The following SNTG1 variants were observed in gnomAD, a reference collection of about 807,000 sequenced individuals.
SNTG1 encodes the protein gamma-1-syntrophin.
SNTG1 carries 39 observed loss-of-function variants against 74.7 expected under a neutral mutation model. That is an observed-to-expected ratio of 0.52 (90% CI 0.40 to 0.68). The LOEUF (loss-of-function observed/expected upper bound fraction) is 0.68, where lower values mean the gene tolerates loss of function less well. Among genes scored for constraint, SNTG1 ranks in the 30% least tolerant of loss-of-function variants. SNTG1 has a pLI of 0.00. For synonymous variants in SNTG1, 254 were observed against 217.1 expected, an observed-to-expected ratio of 1.17 and a Z score of -1.49; for missense variants, 685 against 609.5, an observed-to-expected ratio of 1.12 and a Z score of -1.30.
intron 1 of SNTG1, among the ~76,000 whole-genome samples, chr8:49,971,692 A>G (rs1811691186): frequency 6.6e-6 from 1 of 152,194 alleles, no homozygotes; most frequent in African/African-American, 2.4e-5. Context: ...TCAATGTGCA[A>G]AAATCACAAG....
intron 15 of SNTG1, among the ~76,000 whole-genome samples, chr8:50,668,766 A>C (rs1200580932): frequency 6.6e-6 from 1 of 151,890 alleles, no homozygotes; most frequent in African/African-American, 2.4e-5. Context: ...TTTGCTGAGG[A>C]TGATGACTTC....
At chr8:49,928,097 C>A (rs1001489528) in intron 1 of SNTG1, among the ~76,000 whole-genome samples, 2 of 150,874 alleles carry the variant, frequency 1.3e-5, no homozygotes, top group African/African-American at 4.9e-5. Flanking sequence ...CCACTGCACT[C>A]CAGCCTGGGC....
At chr8:49,929,692 G>A (rs542248601) in intron 1 of SNTG1, among the ~76,000 whole-genome samples, 3 of 152,098 alleles carry the variant, frequency 2.0e-5, no homozygotes, top group Non-Finnish European at 4.4e-5. Flanking sequence ...GAGCAACTCA[G>A]CCCTTTGTTT....
intron 8 of SNTG1, among the ~76,000 whole-genome samples, chr8:50,468,128 A>AAGAGAAGGATGTAGTGGGC (rs2093624109): frequency 6.6e-6 from 1 of 152,032 alleles, no homozygotes; most frequent in Non-Finnish European, 1.5e-5. Context: ...TAAATGGTAT[A>AAGAGAAGGATGTAGTGGGC]TTCTATAAAA....
At chr8:50,186,220 T>C (rs1247313051) in intron 2 of SNTG1, among the ~76,000 whole-genome samples, 1 of 152,176 alleles carries the variant, frequency 6.6e-6, no homozygotes, top group African/African-American at 2.4e-5. Context: ...ATGGTGTATA[T>C]GTGCCACATT....
intron 15 of SNTG1, among the ~76,000 whole-genome samples, chr8:50,704,147 A>G (rs905474173): frequency 6.6e-6 from 1 of 152,166 alleles, no homozygotes. Flanking sequence ...CTGTAGACAA[A>G]TTAGACTCAT....
intron 18 of SNTG1, among the ~76,000 whole-genome samples, chr8:50,790,234 G>C (rs1213665535): frequency 6.6e-6 from 1 of 151,834 alleles, no homozygotes; most frequent in South Asian, 2.1e-4. Context: ...ACTCCCATCA[G>C]GACTGTTTTG....
intron 1 of SNTG1, among the ~76,000 whole-genome samples, chr8:49,936,273 G>T (rs137941673): frequency 0.014 from 2,085 of 152,212 alleles, 50 homozygotes; most frequent in African/African-American, 0.045. Context: ...TAGATACAAA[G>T]AACATTTTCC....
chr8:50,497,799 T>G (rs1021559768), intron 8 of SNTG1, among the ~76,000 whole-genome samples: 2 of 152,080 alleles, frequency 1.3e-5, no homozygotes, highest in Non-Finnish European at 2.9e-5. Context: ...CAATCACTAA[T>G]CTGCTTTGTG....
intron 1 of SNTG1, among the ~76,000 whole-genome samples, chr8:49,986,857 G>A (rs1419670244): frequency 6.6e-6 from 1 of 152,160 alleles, no homozygotes; most frequent in Non-Finnish European, 1.5e-5. Flanking sequence ...GCGTCAGAGT[G>A]AGCCACGGTC....
chr8:50,421,242 T>C (rs1416364860), intron 4 of SNTG1, among the ~76,000 whole-genome samples: 2 of 151,996 alleles, frequency 1.3e-5, no homozygotes, highest in South Asian at 2.1e-4. Flanking sequence ...TTTATTAAGA[T>C]AGTAAAGGAA....
At chr8:50,787,773 A>G (rs2095679787) in intron 18 of SNTG1, among the ~76,000 whole-genome samples, 2 of 152,024 alleles carry the variant, frequency 1.3e-5, no homozygotes, top group African/African-American at 4.8e-5. Flanking sequence ...GATACTATTT[A>G]TATGAAATGT....
intron 1 of SNTG1, among the ~76,000 whole-genome samples, chr8:49,993,046 A>G (rs1399874053): frequency 6.6e-6 from 1 of 152,118 alleles, no homozygotes; most frequent in East Asian, 1.9e-4. Flanking sequence ...TTTTTGTGGA[A>G]AAAACACTAG....
At chr8:50,452,544 T>C (rs1363081762) in intron 8 of SNTG1, among the ~76,000 whole-genome samples, 1 of 152,200 alleles carries the variant, frequency 6.6e-6, no homozygotes, top group Non-Finnish European at 1.5e-5. Context: ...GCAGCATGCT[T>C]AGACAAACTG....
chr8:50,559,876 A>C (rs557776753), intron 12 of SNTG1, among the ~76,000 whole-genome samples: 3 of 152,144 alleles, frequency 2.0e-5, no homozygotes, highest in Non-Finnish European at 2.9e-5. Context: ...TGACAAATGC[A>C]ATCTAATTAA....
intron 2 of SNTG1, among the ~76,000 whole-genome samples, chr8:50,287,593 G>A (rs1277882923): frequency 6.6e-6 from 1 of 152,106 alleles, no homozygotes; most frequent in Non-Finnish European, 1.5e-5. Flanking sequence ...CAGTTCTGTG[G>A]TCGGTTATCT....
chr8:50,249,980 G>T (rs1234850736), intron 2 of SNTG1, among the ~76,000 whole-genome samples: 1 of 151,592 alleles, frequency 6.6e-6, no homozygotes, highest in Non-Finnish European at 1.5e-5. Flanking sequence ...ATAAATGAAA[G>T]GGTATTTATA....
intron 18 of SNTG1, among the ~76,000 whole-genome samples, chr8:50,762,246 CAT>C (rs1191323077): frequency 6.6e-6 from 1 of 151,962 alleles, no homozygotes; most frequent in Non-Finnish European, 1.5e-5. Context: ...TGAAGTCTAA[CAT>C]ATCTTTAGAA....
At position 50,402,324 on chromosome 8, in the gene SNTG1, G is replaced by C; in HGVS notation, c.142G>C (p.Gly48Arg). The part of the protein sequence containing the change: ...IQEQDVICVS[G>R]EPFYSGERTV... The stretch of plus-strand genomic sequence containing the variant: ...GGAACAGGATGTGATATGTGTGTCT[G>C]GTGAGCCTTTCTATTCTGGTGTAAG... Residue 48 changes from glycine (G) to arginine (R), a missense_variant, in exon 4 of 19, where the codon GGT (glycine) becomes CGT (arginine). Transcript: ENST00000642720. 3.7e-6 allele frequency: 6 copies of C among 1,605,838 alleles called. No individual in the cohort carries two copies. The highest frequency in any genetic ancestry group is 5.1e-6 in the Non-Finnish European group (6 of 1,177,960).
Sources: gnomAD v4.1 joint callset for allele counts (sites outside exome capture counted in the v4.1 genomes callset) on GRCh38, gnomAD v4.1.1 for gene constraint, MANE v1.5 for transcripts, NCBI Gene and HGNC (gene_info 2026-07-23, HGNC 2026-07-21) for gene names.